KLHL8: variants seen among roughly 807,000 people sequenced by gnomAD.
KLHL8 encodes the protein kelch-like protein 8.
Under a neutral mutation model 63.5 loss-of-function variants are expected in KLHL8, and 38 were observed. That is an observed-to-expected ratio of 0.60 (90% CI 0.46 to 0.78). The LOEUF is 0.78. KLHL8 is among the 30% of genes least tolerant of loss of function. KLHL8 has a pLI of 0.00. For missense variants in KLHL8, 566 were observed against 752.4 expected (o/e 0.75, Z 2.90); for synonymous variants, 224 against 254.3 (o/e 0.88, Z 1.13).
At chr4:87,207,152 T>G (rs1732163781) in intron 1 of KLHL8, 2 of 561,450 alleles carry the variant, frequency 3.6e-6, no homozygotes, top group African/African-American at 3.8e-5. Flanking sequence ...CAGGGTTGCT[T>G]TTAACTCTGG....
intron 6 of KLHL8, among the ~76,000 whole-genome samples, chr4:87,173,868 G>T (rs1730720769): frequency 6.6e-6 from 1 of 150,876 alleles, no homozygotes. Context: ...AATGTCATTT[G>T]TAGACAGTGG....
Position 87,163,898 on chromosome 4 carries a change from C to T in KLHL8, c.1719G>A (p.Ala573=), listed in dbSNP as rs142229964. The T allele has an allele frequency of 2.3e-5, 37 of 1,613,964 alleles. No individual in the cohort carries two copies. The highest frequency in any genetic ancestry group is 1.5e-4 in the African/African-American group (11 of 74,994). Reference sequence around the variant, plus strand: ...ATTACCTATTCAGCACTGGATCAAACGCTTCTACTGTATTTAAGTATGCAT... The same window carrying T: ...ATTACCTATTCAGCACTGGATCAAATGCTTCTACTGTATTTAAGTATGCAT... The part of the protein sequence containing the change: ...NGNAYLNTVE[A]FDPVLNRWEL... Residue 573 remains alanine, a synonymous_variant, in exon 9 of 10, where the codon GCG becomes GCA. Transcript: ENST00000273963.
At position 87,170,250 on chromosome 4, in the gene KLHL8, G is replaced by C. The variant is rs758503587; in HGVS notation, c.1378-12C>G. The C allele has an allele frequency of 1.9e-6, 3 of 1,600,718 alleles. No homozygotes were observed. Among genetic ancestry groups the C allele is most frequent in the East Asian group, 2.2e-5 (1 of 44,708 alleles). Reference sequence around the variant, plus strand: ...GCATAAACATGGTTCTAAATGAAGAGAGTCAAACAAAACACATTAGATTTC... The same window carrying C: ...GCATAAACATGGTTCTAAATGAAGACAGTCAAACAAAACACATTAGATTTC... On this transcript the variant is annotated splice_polypyrimidine_tract_variant and intron_variant, in intron 7 of 9. Transcript: ENST00000273963.
intron 8 of KLHL8, among the ~76,000 whole-genome samples, chr4:87,165,010 A>C (rs549084821): frequency 3.3e-5 from 5 of 151,490 alleles, no homozygotes; most frequent in South Asian, 2.1e-4. Flanking sequence ...TTAGCTGGGC[A>C]TGGTGGCGGG....
chr4:87,227,151 CCTT>C (rs908066536), intron 1 of KLHL8, among the ~76,000 whole-genome samples: 5 of 150,454 alleles, frequency 3.3e-5, no homozygotes, highest in African/African-American at 1.2e-4. Flanking sequence ...CATCTTTTTG[CCTT>C]CTTCTTTAGA....
chr4:87,196,576 T>G (rs900142395), intron 1 of KLHL8, among the ~76,000 whole-genome samples: 2 of 152,208 alleles, frequency 1.3e-5, no homozygotes, highest in African/African-American at 2.4e-5. Context: ...ACATACGAAA[T>G]GCTGCACTCT....
At chr4:87,193,996 A>G in intron 2 of KLHL8, among the ~76,000 whole-genome samples, 1 of 152,214 alleles carries the variant, frequency 6.6e-6, no homozygotes, top group South Asian at 2.1e-4. Flanking sequence ...AGAATGCTTA[A>G]GTGTTAACTA....
In KLHL8 at chr4:87,163,533, C is replaced by A; in HGVS notation, c.1849G>T (p.Val617Phe). The A allele has an allele frequency of 1.2e-6, 2 of 1,614,076 alleles. No individual in the cohort carries two copies. The highest frequency in any genetic ancestry group is 1.7e-6 in the Non-Finnish European group (2 of 1,179,974). ...RDVGHGSNNV[V>F]DCM ...CAGAACTCAAATCACATACAGTCAA[C>A]CACATTATTGGATCCATGACCTACA... Residue 617 changes from valine (V) to phenylalanine (F), a missense_variant, in exon 10 of 10, where the codon GTT (valine) becomes TTT (phenylalanine). Physicochemically the swap from Val to Phe is conservative, Grantham distance 50. Transcript: ENST00000273963.
At chr4:87,175,609 T>C (rs900808055) in intron 6 of KLHL8, among the ~76,000 whole-genome samples, 1 of 152,200 alleles carries the variant, frequency 6.6e-6, no homozygotes, top group Non-Finnish European at 1.5e-5. Flanking sequence ...TAGTGATCTT[T>C]CCACCTTAGG....
chr4:87,234,045 G>T (rs1468745008), intron 1 of KLHL8, among the ~76,000 whole-genome samples: 1 of 152,144 alleles, frequency 6.6e-6, no homozygotes, highest in Non-Finnish European at 1.5e-5. Flanking sequence ...TGAGTTCTGG[G>T]TCCATACTGT....
At chr4:87,198,977 ATTAC>A (rs962242372) in intron 1 of KLHL8, among the ~76,000 whole-genome samples, 1 of 152,214 alleles carries the variant, frequency 6.6e-6, no homozygotes, top group Non-Finnish European at 1.5e-5. Flanking sequence ...CATAAGATCT[ATTAC>A]TTCTTACCAC....
At chr4:87,191,676 G>C (rs1248692664) in intron 2 of KLHL8, among the ~76,000 whole-genome samples, 1 of 151,874 alleles carries the variant, frequency 6.6e-6, no homozygotes, top group Non-Finnish European at 1.5e-5. Flanking sequence ...CTGAGGTTTG[G>C]TGTATAAATG....
intron 8 of KLHL8, chr4:87,167,128 G>A (rs891384579): frequency 1.1e-5 from 5 of 467,038 alleles, no homozygotes; most frequent in African/African-American, 4.0e-5. Flanking sequence ...TTCGGGAAAC[G>A]TTATTTTATC....
chr4:87,227,909 A>G (rs1323023617), intron 1 of KLHL8, among the ~76,000 whole-genome samples: 3 of 152,170 alleles, frequency 2.0e-5, no homozygotes, highest in Admixed American at 6.5e-5. Flanking sequence ...GCAACCCTGT[A>G]TATTCTCTGC....
chr4:87,211,279 CTCT>C (rs777544218), intron 1 of KLHL8, among the ~76,000 whole-genome samples: 5 of 152,130 alleles, frequency 3.3e-5, no homozygotes, highest in Non-Finnish European at 7.4e-5. Flanking sequence ...AAAGGTAATA[CTCT>C]TCTTAAAATT....
chr4:87,170,087 T>A lies in KLHL8; in HGVS notation c.1529A>T (p.Tyr510Phe). The change falls in exon 8 of 10, where the codon TAC becomes TTC. Residue 510 changes from tyrosine to phenylalanine, a missense_variant. Tyr to Phe is a conservative substitution (Grantham distance 22, BLOSUM62 3). Transcript: ENST00000273963. ...NGVSKLHGCL[Y>F]VVGGFDDNSP... ...AATACCCATTTACTCACCAACTACG[T>A]ATAAGCAACCATGAAGCTTGCTAAC... 1 of 1,613,672 alleles carries A rather than the reference T, an allele frequency of 6.2e-7. No individual in the cohort carries two copies. Among genetic ancestry groups the A allele is most frequent in the Non-Finnish European group, 8.5e-7 (1 of 1,179,680 alleles).
intron 2 of KLHL8, among the ~76,000 whole-genome samples, chr4:87,190,059 T>G (rs2110003407): frequency 6.6e-6 from 1 of 151,518 alleles, no homozygotes; most frequent in East Asian, 1.9e-4. Context: ...AAAAAGAATT[T>G]TAGAAAAAGT....
chr4:87,235,958 T>TCC (rs1733220022), intron 1 of KLHL8, among the ~76,000 whole-genome samples: 1 of 152,104 alleles, frequency 6.6e-6, no homozygotes, highest in Non-Finnish European at 1.5e-5. Context: ...GTAAAATGCT[T>TCC]GGAGCGCCCT....
At chr4:87,224,517 G>A (rs1188315342), upstream of KLHL8, among the ~76,000 whole-genome samples, 1 of 152,170 alleles carries the variant, frequency 6.6e-6, no homozygotes, top group Non-Finnish European at 1.5e-5. Context: ...TCCCAGAAGA[G>A]TTGCTAAGGT....
Sources: gnomAD v4.1 joint callset for allele counts (sites outside exome capture counted in the v4.1 genomes callset) on GRCh38, gnomAD v4.1.1 for gene constraint, MANE v1.5 for transcripts, NCBI Gene and HGNC (gene_info 2026-07-23, HGNC 2026-07-21) for gene names.